SPON1: variants seen among roughly 807,000 people sequenced by gnomAD.
The protein encoded by SPON1 is spondin 1.
A neutral mutation model predicts 111.7 loss-of-function variants in SPON1; 52 were observed. That is an observed-to-expected ratio of 0.47 (90% CI 0.37 to 0.59). The LOEUF (loss-of-function observed/expected upper bound fraction) is 0.59. Among genes scored for constraint, SPON1 ranks in the 20% least tolerant of loss-of-function variants. SPON1 has a pLI of 0.00. For synonymous variants in SPON1, 410 were observed against 395.8 expected (o/e 1.04, Z -0.43); for missense variants, 957 against 1,068.5 (o/e 0.90, Z 1.46).
intron 1 of SPON1, among the ~76,000 whole-genome samples, chr11:13,965,886 A>G (rs947006888): frequency 4.6e-5 from 7 of 152,098 alleles, no homozygotes; most frequent in Non-Finnish European, 7.4e-5. Context: ...TTTGCTTTTT[A>G]ATTTTTTCAT....
At chr11:14,238,215 T>C (rs552848318) in intron 6 of SPON1, among the ~76,000 whole-genome samples, 1 of 152,318 alleles carries the variant, frequency 6.6e-6, no homozygotes, top group Admixed American at 6.5e-5. Flanking sequence ...TCTCTGATCA[T>C]GGATTGCATC....
intron 7 of SPON1, among the ~76,000 whole-genome samples, chr11:14,251,202 G>T (rs1849049531): frequency 6.6e-6 from 1 of 152,170 alleles, no homozygotes; most frequent in Non-Finnish European, 1.5e-5. Context: ...AGAGAAAGCT[G>T]CAGGGCATAT....
chr11:13,970,186 C>G (rs908154252), intron 1 of SPON1, among the ~76,000 whole-genome samples: 4 of 152,076 alleles, frequency 2.6e-5, no homozygotes, highest in Non-Finnish European at 5.9e-5. Flanking sequence ...ATAAAATGCC[C>G]CACTTTTACA....
intron 3 of SPON1, among the ~76,000 whole-genome samples, chr11:14,052,743 G>A (rs781992173): frequency 5.9e-5 from 9 of 152,220 alleles, no homozygotes; most frequent in Non-Finnish European, 1.3e-4. Context: ...CAGGGGATCA[G>A]TCCAATGGCA....
intron 3 of SPON1, among the ~76,000 whole-genome samples, chr11:14,062,837 C>G (rs1848801578): frequency 6.6e-6 from 1 of 152,194 alleles, no homozygotes; most frequent in Non-Finnish European, 1.5e-5. Context: ...CATTTACAAA[C>G]AAAGCAGTGA....
At chr11:14,154,453 C>T (rs553645536) in intron 6 of SPON1, among the ~76,000 whole-genome samples, 147 of 152,328 alleles carry the variant, frequency 9.7e-4, no homozygotes, top group African/African-American at 3.3e-3. Context: ...ATCTTGGCCC[C>T]GCTTAGCCAT....
At chr11:14,237,912 C>A (rs1554939352) in intron 6 of SPON1, among the ~76,000 whole-genome samples, 1 of 152,202 alleles carries the variant, frequency 6.6e-6, no homozygotes, top group African/African-American at 2.4e-5. Flanking sequence ...ACAGTGTGCA[C>A]TTTCAGGCCC....
At chr11:14,111,683 G>A (rs900903365) in intron 5 of SPON1, among the ~76,000 whole-genome samples, 4 of 152,174 alleles carry the variant, frequency 2.6e-5, no homozygotes, top group South Asian at 4.1e-4. Context: ...ATTGCTGCAT[G>A]TTTTGTGCCA....
chr11:14,167,413 T>A (rs146799678), intron 6 of SPON1, among the ~76,000 whole-genome samples: 1 of 152,082 alleles, frequency 6.6e-6, no homozygotes, highest in Non-Finnish European at 1.5e-5. Flanking sequence ...TTTACTCAGA[T>A]AGGAAACTTA....
chr11:14,122,486 A>G (rs782700890), intron 5 of SPON1, among the ~76,000 whole-genome samples: 5 of 151,992 alleles, frequency 3.3e-5, no homozygotes, highest in Non-Finnish European at 5.9e-5. Context: ...CTCTTCAAAT[A>G]TTTTTCTAAC....
rs1195869090 is a variant in SPON1, at chr11:13,962,788, T to C, written c.-117T>C. 9.1e-6 allele frequency: 9 copies of C among 986,104 alleles called. No homozygotes were observed. The highest frequency in any genetic ancestry group is 1.3e-5 in the Non-Finnish European group (9 of 714,984). 61.1% of individuals were successfully genotyped at this position (986,104 alleles called of 1,614,324 possible). On this transcript the variant is annotated 5_prime_UTR_variant, in exon 1 of 16. Transcript: ENST00000576479. ...CGGTCTCCGAGTCGCGGACGCCAGC[T>C]CCGAGCTCCCTCTCTCCGCCGCGCC...
rs1554930861 is a variant in SPON1, at chr11:14,160,466, TA to T, written c.825+24899del. 1.2e-4 allele frequency among the ~76,000 whole-genome samples: 3 copies of T among 25,166 alleles called. 1 individual carries two copies. Among genetic ancestry groups the T allele is most frequent in the African/African-American group, 3.5e-4 (2 of 5,702 alleles). The allele number at this position is 25,166 out of a possible 152,430, so 16.5% of individuals were successfully genotyped here. ...ATTTATATATATATTTATATATATATATTTATATATATATTTATATATATAT... is the reference window on the plus strand; with the variant it reads ...ATTTATATATATATTTATATATATATTTTATATATATATTTATATATATAT... On this transcript the variant is annotated intron_variant, in intron 6 of 15. Coordinates refer to ENST00000576479, the MANE Select transcript of SPON1 (RefSeq NM_006108.4).
intron 3 of SPON1, among the ~76,000 whole-genome samples, chr11:14,060,418 G>C (rs935164723): frequency 1.3e-5 from 2 of 152,320 alleles, no homozygotes; most frequent in East Asian, 3.9e-4. Flanking sequence ...AGTCAAAGTT[G>C]TTGGGCTCCT....
Position 14,120,315 on chromosome 11 carries a change from CT to C in SPON1, c.677-15103del, listed in dbSNP as rs567449265. Reference sequence around the variant, plus strand: ...CAACCCTGATTCAGGCCCTGGGTCCCTTGAGGCTACTCTCTGGGCTTCTAAA... The same window carrying C: ...CAACCCTGATTCAGGCCCTGGGTCCCTGAGGCTACTCTCTGGGCTTCTAAA... On this transcript the variant is annotated intron_variant, in intron 5 of 15. Transcript: ENST00000576479. 1.6e-4 allele frequency among the ~76,000 whole-genome samples: 24 copies of C among 152,262 alleles called. No homozygotes were observed. In the South Asian group the frequency reaches 5.0e-3, roughly 32 times the overall value.
At chr11:14,232,517 A>C (rs1848813820) in intron 6 of SPON1, among the ~76,000 whole-genome samples, 1 of 152,146 alleles carries the variant, frequency 6.6e-6, no homozygotes, top group African/African-American at 2.4e-5. Flanking sequence ...GAGCATCTGC[A>C]GCTCTGTCCT....
At chr11:13,982,777 T>A in intron 1 of SPON1, 70 bp from the exon 2 acceptor site, 1 of 1,060,306 alleles carries the variant, frequency 9.4e-7, no homozygotes, top group Non-Finnish European at 1.4e-6. Context: ...AGAACTCAGG[T>A]CTATCCCATT....
At chr11:14,003,605 C>G (rs536762804) in intron 2 of SPON1, among the ~76,000 whole-genome samples, 179 of 152,090 alleles carry the variant, frequency 1.2e-3, no homozygotes, top group Non-Finnish European at 2.3e-3. Flanking sequence ...GATTTTCTAT[C>G]AAGACACAGA....
At chr11:14,212,544 A>G (rs183388315) in intron 6 of SPON1, among the ~76,000 whole-genome samples, 1 of 152,308 alleles carries the variant, frequency 6.6e-6, no homozygotes, top group African/African-American at 2.4e-5. Context: ...TCCACCACTG[A>G]TTCATGTGAC....
chr11:14,030,940 G>A (rs1404819496), intron 2 of SPON1, among the ~76,000 whole-genome samples: 2 of 152,204 alleles, frequency 1.3e-5, no homozygotes, highest in African/African-American at 2.4e-5. Flanking sequence ...CAATAGCAAC[G>A]ACATGGCATC....
Sources: gnomAD v4.1 joint callset for allele counts (sites outside exome capture counted in the v4.1 genomes callset) on GRCh38, gnomAD v4.1.1 for gene constraint, MANE v1.5 for transcripts, NCBI Gene and HGNC (gene_info 2026-07-23, HGNC 2026-07-21) for gene names.